The following CSMD1 variants were observed in gnomAD, a reference collection of about 807,000 sequenced individuals.
CSMD1 encodes CUB and sushi domain-containing protein 1.
In CSMD1, 213 loss-of-function variants were observed where a neutral mutation model predicts 417.5. The ratio of observed to expected loss-of-function variants is 0.51; its 90% CI spans 0.46 to 0.57. The LOEUF (loss-of-function observed/expected upper bound fraction) is 0.57. Among genes scored for constraint, CSMD1 ranks in the 20% least tolerant of loss-of-function variants. The probability of loss-of-function intolerance (pLI) is 0.00; values close to 1 mark genes in which losing one functional copy is unlikely to be tolerated. For missense variants in CSMD1, 6,923 were observed against 4,529.7 expected, an observed-to-expected ratio of 1.53 and a Z score of -15.17; for synonymous variants, 2,862 against 1,736.8, an observed-to-expected ratio of 1.65 and a Z score of -16.11.
intron 19 of CSMD1, among the ~76,000 whole-genome samples, chr8:3,368,594 C>T (rs1025584527): frequency 2.6e-5 from 4 of 152,164 alleles, no homozygotes; most frequent in African/African-American, 9.7e-5. Context: ...CTGTCTTGGC[C>T]TCCCGAACTG....
At chr8:4,958,671 C>G (rs951391388) in intron 1 of CSMD1, among the ~76,000 whole-genome samples, 1 of 152,026 alleles carries the variant, frequency 6.6e-6, no homozygotes, top group Non-Finnish European at 1.5e-5. Flanking sequence ...TGTGAGTTAC[C>G]ATGGAGTTTT....
At chr8:3,712,989 C>T (rs1281493895) in intron 6 of CSMD1, among the ~76,000 whole-genome samples, 3 of 152,008 alleles carry the variant, frequency 2.0e-5, no homozygotes, top group Non-Finnish European at 4.4e-5. Flanking sequence ...TGAGAGTTGA[C>T]TTTAGGTTTT....
At chr8:4,638,581 G>T (rs545605777) in intron 1 of CSMD1, among the ~76,000 whole-genome samples, 1 of 152,186 alleles carries the variant, frequency 6.6e-6, no homozygotes. Context: ...AAAGGAAGGT[G>T]TACCACAAAA....
At chr8:3,618,425 C>G (rs17066601) in intron 7 of CSMD1, among the ~76,000 whole-genome samples, 2 of 151,902 alleles carry the variant, frequency 1.3e-5, no homozygotes, top group African/African-American at 4.8e-5. Context: ...CTATTCCAAA[C>G]GGGTTAAGAT....
intron 49 of CSMD1, among the ~76,000 whole-genome samples, chr8:3,085,187 C>T (rs905849418): frequency 2.0e-5 from 3 of 152,030 alleles, no homozygotes; most frequent in South Asian, 2.1e-4. Flanking sequence ...AGTCCCTTAA[C>T]TTTTATGTGT....
intron 10 of CSMD1, among the ~76,000 whole-genome samples, chr8:3,552,471 A>C (rs1017754388): frequency 6.6e-6 from 1 of 152,198 alleles, no homozygotes; most frequent in Non-Finnish European, 1.5e-5. Flanking sequence ...GCTTCCTCTG[A>C]CCTGTGATAA....
At chr8:3,428,530 C>T (rs1012646241) in intron 12 of CSMD1, among the ~76,000 whole-genome samples, 1 of 152,144 alleles carries the variant, frequency 6.6e-6, no homozygotes, top group East Asian at 1.9e-4. Flanking sequence ...ACTTTCATAG[C>T]AACCCTTAAA....
chr8:4,188,737 T>A (rs968086439), intron 3 of CSMD1, among the ~76,000 whole-genome samples: 1 of 151,790 alleles, frequency 6.6e-6, no homozygotes, highest in South Asian at 2.1e-4. Context: ...TTTTGAGTAA[T>A]GTCTAGAAAA....
intron 11 of CSMD1, among the ~76,000 whole-genome samples, chr8:3,491,781 G>T: frequency 6.6e-6 from 1 of 152,200 alleles, no homozygotes; most frequent in East Asian, 1.9e-4. Flanking sequence ...TGGAAATATG[G>T]GATGCTACCC....
At chr8:3,343,955 G>T (rs1807823079) in intron 22 of CSMD1, among the ~76,000 whole-genome samples, 1 of 152,188 alleles carries the variant, frequency 6.6e-6, no homozygotes, top group Non-Finnish European at 1.5e-5. Context: ...TAGTCTGCAA[G>T]CCTCCGGTGG....
chr8:4,696,215 G>C (rs1458325343), intron 1 of CSMD1, among the ~76,000 whole-genome samples: 1 of 152,184 alleles, frequency 6.6e-6, no homozygotes, highest in Non-Finnish European at 1.5e-5. Flanking sequence ...GTTATTTTCA[G>C]TCTATGGACA....
intron 3 of CSMD1, among the ~76,000 whole-genome samples, chr8:4,211,880 A>G (rs965120530): frequency 1.3e-5 from 2 of 152,200 alleles, no homozygotes; most frequent in African/African-American, 4.8e-5. Flanking sequence ...CCAACATCAT[A>G]TCTACAGAAA....
intron 1 of CSMD1, among the ~76,000 whole-genome samples, chr8:4,749,261 ATTT>A (rs1811154919): frequency 1.3e-5 from 2 of 152,242 alleles, no homozygotes; most frequent in Non-Finnish European, 2.9e-5. Context: ...GAATATGCTC[ATTT>A]TATAAATTTT....
At chr8:3,918,157 G>C (rs1173964873) in intron 5 of CSMD1, among the ~76,000 whole-genome samples, 1 of 152,016 alleles carries the variant, frequency 6.6e-6, no homozygotes, top group Non-Finnish European at 1.5e-5. Context: ...AGTAAACATG[G>C]GAGTGAAAGT....
chr8:3,001,779 C>G (rs1279824041), intron 52 of CSMD1, among the ~76,000 whole-genome samples: 1 of 152,218 alleles, frequency 6.6e-6, no homozygotes, highest in Non-Finnish European at 1.5e-5. Context: ...TCCCTGCCCA[C>G]TTATTTCCCC....
At chr8:4,346,150 T>C (rs1370009666) in intron 3 of CSMD1, among the ~76,000 whole-genome samples, 2 of 152,166 alleles carry the variant, frequency 1.3e-5, no homozygotes, top group Admixed American at 1.3e-4. Context: ...AAACTCTCCA[T>C]GCTGGTCAAC....
chr8:4,351,628 G>C (rs994757457), intron 3 of CSMD1, among the ~76,000 whole-genome samples: 1 of 152,200 alleles, frequency 6.6e-6, no homozygotes, highest in African/African-American at 2.4e-5. Context: ...AGTGAGAAAG[G>C]AGATGAGGGA....
intron 3 of CSMD1, among the ~76,000 whole-genome samples, chr8:4,253,648 A>G (rs1206724097): frequency 6.6e-6 from 1 of 152,176 alleles, no homozygotes; most frequent in Non-Finnish European, 1.5e-5. Context: ...GATCTACTTA[A>G]TAGACACACA....
chr8:3,312,309 G>T (rs908234685), intron 23 of CSMD1, among the ~76,000 whole-genome samples: 1 of 152,142 alleles, frequency 6.6e-6, no homozygotes, highest in African/African-American at 2.4e-5. Context: ...TATATGACCA[G>T]CTGTCTCCTT....
Sources: allele counts gnomAD v4.1 joint callset (sites outside exome capture counted in the v4.1 genomes callset), GRCh38; gene constraint gnomAD v4.1.1; transcripts MANE v1.5; gene names NCBI Gene and HGNC (gene_info 2026-07-23, HGNC 2026-07-21).